MAPKAP1: variants seen among roughly 807,000 people sequenced by gnomAD.
MAPKAP1 encodes MAPK associated protein 1, also known as target of rapamycin complex 2 subunit MAPKAP1.
Under a neutral mutation model 65.7 loss-of-function variants are expected in MAPKAP1, and 20 were observed. The observed-to-expected ratio is 0.30, with a 90% CI of 0.21 to 0.44. The LOEUF (loss-of-function observed/expected upper bound fraction) is 0.44, where lower values mean the gene tolerates loss of function less well. Ranked by LOEUF, MAPKAP1 falls within the 20% of genes least tolerant of loss-of-function variation. The pLI, the probability that MAPKAP1 is intolerant of heterozygous loss-of-function variation, is 1.00. For synonymous variants in MAPKAP1, 222 were observed against 244.3 expected (o/e 0.91, Z 0.85); for missense variants, 423 against 648.0 (o/e 0.65, Z 3.77).
intron 11 of MAPKAP1, among the ~76,000 whole-genome samples, chr9:125,440,863 GT>G (rs1399362602): frequency 1.2e-4 from 19 of 152,174 alleles, no homozygotes; most frequent in Admixed American, 1.2e-3. Flanking sequence ...GGATTATATT[GT>G]TTGCACACTC....
chr9:125,495,079 T>C (rs1400383996), intron 8 of MAPKAP1, among the ~76,000 whole-genome samples: 2 of 152,234 alleles, frequency 1.3e-5, no homozygotes, highest in Non-Finnish European at 2.9e-5. Flanking sequence ...ATTCTCATTA[T>C]TTCCTCTTTC....
Position 125,597,770 on chromosome 9 carries a change from TAA to T in MAPKAP1, c.499-12045_499-12044del, listed in dbSNP as rs1180500050. ...CAGACGATGTAATGATGCAAATTGA[TAA>T]AAGAGTTATTTGCAGCCTTCAAAAG... On this transcript the variant is annotated intron_variant, in intron 4 of 11. Coordinates refer to ENST00000265960, the MANE Select transcript of MAPKAP1 (RefSeq NM_001006617.3). 5.9e-5 allele frequency among the ~76,000 whole-genome samples: 9 copies of T among 152,288 alleles called. No homozygotes were observed. The East Asian group carries it at 1.7e-3, about 29-fold the overall frequency.
intron 4 of MAPKAP1, among the ~76,000 whole-genome samples, chr9:125,627,618 ATCTCACTATGTTGCCTCAACC>A: frequency 6.6e-6 from 1 of 152,250 alleles, no homozygotes; most frequent in African/African-American, 2.4e-5. Context: ...AAGAGACAGT[ATCTCACTATGTTGCCTCAACC>A]TCTCGAGTAG....
At chr9:125,504,866 G>C (rs896018595) in intron 8 of MAPKAP1, among the ~76,000 whole-genome samples, 1 of 151,886 alleles carries the variant, frequency 6.6e-6, no homozygotes. Flanking sequence ...TTGTTTAGAG[G>C]GTCAGTGGCA....
At chr9:125,695,380 A>C (rs1229599557) in intron 1 of MAPKAP1, among the ~76,000 whole-genome samples, 1 of 152,222 alleles carries the variant, frequency 6.6e-6, no homozygotes, top group African/African-American at 2.4e-5. Context: ...AGGGATGCCG[A>C]AATGAAATAT....
chr9:125,604,327 A>G (rs1263521647), intron 4 of MAPKAP1, among the ~76,000 whole-genome samples: 5 of 152,340 alleles, frequency 3.3e-5, no homozygotes, highest in African/African-American at 1.2e-4. Context: ...ACAGCACCAC[A>G]CTATTTTTCA....
intron 4 of MAPKAP1, among the ~76,000 whole-genome samples, chr9:125,602,184 T>C (rs1447501095): frequency 8.6e-5 from 13 of 151,904 alleles, no homozygotes; most frequent in Non-Finnish European, 1.6e-4. Context: ...GTCTGGGAGG[T>C]TGAGGCTACA....
At chr9:125,525,723 A>G (rs829181) in intron 7 of MAPKAP1, among the ~76,000 whole-genome samples, 74,345 of 151,208 alleles carry the variant, frequency 0.49, 19,034 homozygotes, top group East Asian at 0.66. Flanking sequence ...AAAAAAAGGA[A>G]AAGTAACAGG....
chr9:125,688,545 C>T (rs1024166971), intron 1 of MAPKAP1, among the ~76,000 whole-genome samples: 7 of 152,152 alleles, frequency 4.6e-5, no homozygotes, highest in African/African-American at 1.7e-4. Flanking sequence ...GAATGTTCCA[C>T]AACATACAAT....
intron 6 of MAPKAP1, among the ~76,000 whole-genome samples, chr9:125,551,649 CTT>C (rs919838713): frequency 6.8e-6 from 1 of 146,372 alleles, no homozygotes; most frequent in Non-Finnish European, 1.5e-5. Flanking sequence ...TTGGCCTTGA[CTT>C]TTTTTTTTTT....
intron 4 of MAPKAP1, among the ~76,000 whole-genome samples, chr9:125,612,657 G>A (rs1416336601): frequency 1.3e-5 from 1 of 75,306 alleles, no homozygotes; most frequent in Non-Finnish European, 4.0e-5. Flanking sequence ...ATTCTGTTGG[G>A]TAAATAGAGG....
intron 7 of MAPKAP1, among the ~76,000 whole-genome samples, chr9:125,540,600 G>A (rs969997076): frequency 6.6e-6 from 1 of 152,186 alleles, no homozygotes; most frequent in Non-Finnish European, 1.5e-5. Context: ...GGGGTTTGAC[G>A]ACAGGGATGA....
intron 4 of MAPKAP1, among the ~76,000 whole-genome samples, chr9:125,641,914 C>A (rs1194587439): frequency 6.6e-6 from 1 of 152,118 alleles, no homozygotes; most frequent in Non-Finnish European, 1.5e-5. Context: ...TGCCTGTAAT[C>A]CAAGCTACTC....
intron 1 of MAPKAP1, among the ~76,000 whole-genome samples, chr9:125,677,486 A>C (rs577984752): frequency 6.6e-6 from 1 of 152,284 alleles, no homozygotes; most frequent in South Asian, 2.1e-4. Context: ...ACCTGAGGTC[A>C]GGAGTTCGAG....
chr9:125,456,193 C>T (rs1853155933), intron 10 of MAPKAP1, among the ~76,000 whole-genome samples: 1 of 152,156 alleles, frequency 6.6e-6, no homozygotes, highest in African/African-American at 2.4e-5. Flanking sequence ...TGGTTCTCAG[C>T]AGTTTGATTA....
At chr9:125,543,892 T>C (rs377679028) in intron 6 of MAPKAP1, among the ~76,000 whole-genome samples, 9 of 152,284 alleles carry the variant, frequency 5.9e-5, no homozygotes, top group African/African-American at 2.2e-4. Flanking sequence ...ACTGCCATCA[T>C]ACTAAGCTCA....
intron 3 of MAPKAP1, among the ~76,000 whole-genome samples, chr9:125,666,880 C>A (rs1342275993): frequency 1.3e-5 from 2 of 152,212 alleles, no homozygotes; most frequent in Non-Finnish European, 2.9e-5. Flanking sequence ...CAAAGACATT[C>A]TTTTGTGCAT....
chr9:125,517,835 T>A (rs977654560), intron 7 of MAPKAP1, among the ~76,000 whole-genome samples: 2 of 152,206 alleles, frequency 1.3e-5, no homozygotes, highest in East Asian at 3.9e-4. Flanking sequence ...AGCTCTTTCA[T>A]CCCACCTTCC....
chr9:125,537,964 CA>C (rs1216037604), intron 7 of MAPKAP1, among the ~76,000 whole-genome samples: 4 of 152,114 alleles, frequency 2.6e-5, no homozygotes, highest in Non-Finnish European at 5.9e-5. Context: ...CTTGAGTGCC[CA>C]GGGTCTCTTC....
Sources: gnomAD v4.1 joint callset for allele counts (sites outside exome capture counted in the v4.1 genomes callset) on GRCh38, gnomAD v4.1.1 for gene constraint, MANE v1.5 for transcripts, NCBI Gene and HGNC (gene_info 2026-07-23, HGNC 2026-07-21) for gene names.